The following SLC4A10 variants were observed in gnomAD, a reference collection of about 807,000 sequenced individuals.
The protein encoded by SLC4A10 is solute carrier family 4 member 10.
A neutral mutation model predicts 137.7 loss-of-function variants in SLC4A10; 42 were observed. The observed-to-expected ratio is 0.30, with a 90% CI of 0.24 to 0.39. SLC4A10 has a LOEUF of 0.39. Among genes scored for constraint, SLC4A10 ranks in the 10% least tolerant of loss-of-function variants. The pLI, the probability that SLC4A10 is intolerant of heterozygous loss-of-function variation, is 1.00. For synonymous variants in SLC4A10, 474 were observed against 464.1 expected (o/e 1.02, Z -0.27); for missense variants, 925 against 1,355.0 (o/e 0.68, Z 4.98).
intron 1 of SLC4A10, among the ~76,000 whole-genome samples, chr2:161,659,050 G>T (rs2037945250): frequency 6.6e-6 from 1 of 151,982 alleles, no homozygotes; most frequent in African/African-American, 2.4e-5. Context: ...TCCCACTACT[G>T]GGTACATATC....
chr2:161,945,477 C>G (rs1423610283), intron 16 of SLC4A10, among the ~76,000 whole-genome samples: 10 of 151,252 alleles, frequency 6.6e-5, no homozygotes, highest in Non-Finnish European at 1.2e-4. Context: ...ATCAGTTTGT[C>G]AACAAGCATT....
chr2:161,864,897 G>A (rs1045362615), intron 6 of SLC4A10, among the ~76,000 whole-genome samples: 16 of 152,044 alleles, frequency 1.1e-4, no homozygotes, highest in African/African-American at 3.6e-4. Context: ...TGTTAAAATA[G>A]ACTCAGTTAT....
intron 1 of SLC4A10, among the ~76,000 whole-genome samples, chr2:161,761,526 G>A (rs2050250834): frequency 6.6e-6 from 1 of 151,998 alleles, no homozygotes; most frequent in South Asian, 2.1e-4. Context: ...GGAGGCTCCA[G>A]AAGGACCCTC....
chr2:161,964,632 T>C (rs1345778201), intron 22 of SLC4A10, among the ~76,000 whole-genome samples: 1 of 152,180 alleles, frequency 6.6e-6, no homozygotes, highest in Non-Finnish European at 1.5e-5. Flanking sequence ...AATAACATTG[T>C]ATTAAATGTT....
At position 161,837,696 on chromosome 2, in the gene SLC4A10, C is replaced by CT. The variant is rs2058904103; in HGVS notation, c.278-2092dup. Among the ~76,000 whole-genome samples, 3 of 152,218 alleles carry CT rather than the reference C, an allele frequency of 2.0e-5. No individual in the cohort carries two copies. The South Asian group carries it at 6.2e-4, about 32-fold the overall frequency. ...ATACCATCTGACTTTAAGAATTACT[C>CT]TAAAGCTATAGTAATCAAAAAAGTG... On this transcript the variant is annotated intron_variant, in intron 3 of 26. Coordinates refer to ENST00000446997, the MANE Select transcript of SLC4A10 (RefSeq NM_001178015.2).
chr2:161,644,782 A>G (rs2035804542), intron 1 of SLC4A10, among the ~76,000 whole-genome samples: 1 of 152,196 alleles, frequency 6.6e-6, no homozygotes, highest in Non-Finnish European at 1.5e-5. Context: ...GGTGTTCATA[A>G]GCTTCTGTTT....
At chr2:161,931,867 A>G (rs1165493190) in intron 15 of SLC4A10, among the ~76,000 whole-genome samples, 1 of 152,226 alleles carries the variant, frequency 6.6e-6, no homozygotes, top group African/African-American at 2.4e-5. Flanking sequence ...CTACCTTTAA[A>G]TAAAATTGTT....
At chr2:161,882,847 C>T (rs957699397) in intron 10 of SLC4A10, among the ~76,000 whole-genome samples, 2 of 152,110 alleles carry the variant, frequency 1.3e-5, no homozygotes, top group African/African-American at 4.8e-5. Context: ...ATGCATGCAA[C>T]ATCTATCAAC....
rs539143670 is a variant in SLC4A10, at chr2:161,964,417, T to C, written c.3036+109T>C. 7.5e-6 allele frequency: 9 copies of C among 1,207,198 alleles called. 1 individual carries two copies. The highest frequency in any genetic ancestry group is 4.2e-5 in the South Asian group (3 of 71,670). The allele number at this position is 1,207,198 out of a possible 1,614,324, so 74.8% of individuals were successfully genotyped here. A position where few individuals can be genotyped will look rare whatever the true frequency, so the allele number is the denominator to read the frequency against. On this transcript the variant is annotated intron_variant, in intron 22 of 26. Transcript: ENST00000446997. The stretch of plus-strand genomic sequence containing the variant: ...ACAACAGAGTCATTTTGAACAATTA[T>C]TGGAAAATATAAGTTTTGGCACTGA...
intron 1 of SLC4A10, among the ~76,000 whole-genome samples, chr2:161,725,070 T>C (rs2046074477): frequency 6.6e-6 from 1 of 152,200 alleles, no homozygotes; most frequent in Non-Finnish European, 1.5e-5. Context: ...AAATGAAGAA[T>C]GAGAATGAAA....
chr2:161,850,551 G>A (rs1432534260), intron 4 of SLC4A10, among the ~76,000 whole-genome samples: 1 of 152,048 alleles, frequency 6.6e-6, no homozygotes, highest in African/African-American at 2.4e-5. Flanking sequence ...TGTCGGGTTA[G>A]TAGTAATGTC....
intron 4 of SLC4A10, among the ~76,000 whole-genome samples, chr2:161,847,336 C>CT (rs889140353): frequency 2.5e-4 from 36 of 146,668 alleles, no homozygotes; most frequent in South Asian, 4.3e-4. Context: ...TATCAGTATT[C>CT]TTTTTTTTTT....
intron 1 of SLC4A10, among the ~76,000 whole-genome samples, chr2:161,654,370 A>G (rs1468197559): frequency 6.6e-6 from 1 of 152,076 alleles, no homozygotes; most frequent in Non-Finnish European, 1.5e-5. Flanking sequence ...TTTGCTGGGC[A>G]GAATAATTTT....
At chr2:161,803,718 C>A (rs1352549356) in intron 2 of SLC4A10, among the ~76,000 whole-genome samples, 2 of 152,052 alleles carry the variant, frequency 1.3e-5, no homozygotes, top group Non-Finnish European at 2.9e-5. Flanking sequence ...TTCCAGTAGT[C>A]CCACTTTATC....
In SLC4A10 at chr2:161,839,839, G is replaced by A. The variant is rs758229636; in HGVS notation, c.328G>A (p.Glu110Lys). Reference sequence around the variant, plus strand: ...TATTCTTGGAACCGAGGATGATGACGAGGAACACATTCCTCATGACCTTTT... The same window carrying A: ...TATTCTTGGAACCGAGGATGATGACAAGGAACACATTCCTCATGACCTTTT... ...QFILGTEDDD[E>K]EHIPHDLFTE... Residue 110 changes from glutamate to lysine, a missense_variant, in exon 4 of 27, where the codon GAG (glutamate) becomes AAG (lysine). Glu to Lys is a moderately conservative substitution (Grantham distance 56). This residue lies in a region of SLC4A10 where 138 missense variants were observed against 171.3 expected (regional missense o/e 0.81). Coordinates refer to ENST00000446997, the MANE Select transcript of SLC4A10 (RefSeq NM_001178015.2). 4.3e-6 allele frequency: 7 copies of A among 1,613,882 alleles called. No homozygotes were observed. Among genetic ancestry groups the A allele is most frequent in the Admixed American group, 3.3e-5 (2 of 59,976 alleles).
chr2:161,781,103 A>G (rs1276605951), intron 2 of SLC4A10, among the ~76,000 whole-genome samples: 1 of 152,046 alleles, frequency 6.6e-6, no homozygotes, highest in Non-Finnish European at 1.5e-5. Flanking sequence ...GCTAAATATT[A>G]AGAGTAAAAA....
At chr2:161,975,618 T>C (rs1699262064) in intron 24 of SLC4A10, among the ~76,000 whole-genome samples, 1 of 152,164 alleles carries the variant, frequency 6.6e-6, no homozygotes, top group Non-Finnish European at 1.5e-5. Flanking sequence ...TTAGAGGAAC[T>C]GAAGAACACA....
rs139821110 is a variant in SLC4A10, at chr2:161,842,746, T to C, written c.416+2819T>C. Among the ~76,000 whole-genome samples, 130 of 152,258 alleles carry C rather than the reference T, an allele frequency of 8.5e-4. 1 individual carries two copies. The East Asian group carries it at 0.022, about 26-fold the overall frequency. On this transcript the variant is annotated intron_variant, in intron 4 of 26. Transcript: ENST00000446997. ...CCCAACTGCATCAAAAACTACGTAG[T>C]AGTTTTAAAAATGTGTAATATATGT...
intron 9 of SLC4A10, among the ~76,000 whole-genome samples, chr2:161,880,927 A>T (rs995893513): frequency 2.0e-5 from 3 of 152,118 alleles, no homozygotes; most frequent in Non-Finnish European, 4.4e-5. Context: ...TGATGGGGTT[A>T]TATACCCTTA....
Sources: allele counts gnomAD v4.1 joint callset (sites outside exome capture counted in the v4.1 genomes callset), GRCh38; gene constraint gnomAD v4.1.1; regional missense constraint gnomAD v4.1.1; transcripts MANE v1.5; gene names NCBI Gene and HGNC (gene_info 2026-07-23, HGNC 2026-07-21).